RBM7: variants seen among roughly 807,000 people sequenced by gnomAD.
RBM7 encodes the protein RNA-binding protein 7.
Under a neutral mutation model 31.0 loss-of-function variants are expected in RBM7, and 13 were observed. The ratio of observed to expected loss-of-function variants is 0.42; its 90% CI spans 0.27 to 0.67. RBM7 has a LOEUF of 0.67. Among genes scored for constraint, RBM7 ranks in the 30% least tolerant of loss-of-function variants. RBM7 has a pLI of 0.24. For missense variants in RBM7, 245 were observed against 326.2 expected, an observed-to-expected ratio of 0.75 and a Z score of 1.92; for synonymous variants, 106 against 111.2, an observed-to-expected ratio of 0.95 and a Z score of 0.30.
intron 3 of RBM7, among the ~76,000 whole-genome samples, chr11:114,404,803 C>A (rs1946244863): frequency 1.3e-5 from 2 of 151,862 alleles, no homozygotes; most frequent in Non-Finnish European, 2.9e-5. Flanking sequence ...GATAATATAA[C>A]CTGATTTGAA....
chr11:114,407,366 C>T, intron 4 of RBM7, 79 bp from the exon 5 acceptor site: 1 of 1,458,170 alleles, frequency 6.9e-7, no homozygotes, highest in Admixed American at 2.1e-5. Flanking sequence ...TATTTTCTTT[C>T]ATTTTCTGTT....
rs1190352950 is a variant in RBM7, at chr11:114,409,873, A to G, written c.*2066A>G. 1 of 152,238 alleles carries G rather than the reference A, an allele frequency of 6.6e-6. No homozygotes were observed. Among genetic ancestry groups the G allele is most frequent in the Non-Finnish European group, 1.5e-5 (1 of 68,036 alleles). The allele number at this position is 152,238 out of a possible 1,614,324, so 9.4% of individuals were successfully genotyped here. A position where few individuals can be genotyped will look rare whatever the true frequency, so the allele number is the denominator to read the frequency against. ...ATTGTGTAAAGGGACAGGACAAGAC[A>G]GCCTTAAAAAATTGAATATAGTTGG... is the stretch of plus-strand genomic sequence containing the variant. On this transcript the variant is annotated 3_prime_UTR_variant, in exon 5 of 5. Transcript: ENST00000375490.
intron 3 of RBM7, among the ~76,000 whole-genome samples, chr11:114,403,146 CTATT>C (rs1306860505): frequency 4.6e-5 from 7 of 152,136 alleles, no homozygotes; most frequent in African/African-American, 1.7e-4. Flanking sequence ...ACGTATATAA[CTATT>C]TGTTGATTTG....
chr11:114,409,370 G>GC lies in RBM7; in HGVS notation c.*1563_*1564insC, dbSNP rs1388265803. ...TAACGAAGATTAATACTGCATGTTT[G>GC]TTTTTGTTTTTTTTTTGAGACAGAG... is the stretch of plus-strand genomic sequence containing the variant. On this transcript the variant is annotated 3_prime_UTR_variant, in exon 5 of 5. Coordinates refer to ENST00000375490, the MANE Select transcript of RBM7 (RefSeq NM_001286045.2). 8.4e-6 allele frequency: 1 copy of GC among 118,986 alleles called. No individual in the cohort carries two copies. Among genetic ancestry groups the GC allele is most frequent in the Non-Finnish European group, 1.9e-5 (1 of 51,520 alleles). 7.4% of individuals were successfully genotyped at this position (118,986 alleles called of 1,614,324 possible).
At chr11:114,402,946 T>G in intron 3 of RBM7, 31 bp downstream of exon 3, 1 of 1,529,094 alleles carries the variant, frequency 6.5e-7, no homozygotes, top group Non-Finnish European at 9.1e-7. Context: ...TTAAGATCAT[T>G]TATCAGGAAT....
Position 114,400,677 on chromosome 11 carries a change from G to GGCGGCGGCGGCGGAA in RBM7, c.11_25dup (p.Ala4_Ala8dup). 1 of 1,613,874 alleles carries GGCGGCGGCGGCGGAA rather than the reference G, an allele frequency of 6.2e-7. No individual in the cohort carries two copies. The highest frequency in any genetic ancestry group is 8.5e-7 in the Non-Finnish European group (1 of 1,179,880). On this transcript the variant is annotated inframe_insertion, in exon 1 of 5. Coordinates refer to ENST00000375490, the MANE Select transcript of RBM7 (RefSeq NM_001286045.2). ...AGGGAGGGGGCGACGCTGAGATGGG[G>GGCGGCGGCGGCGGAA]GCGGCGGCGGCGGAAGCGGATCGCA...
rs750103004 is a variant in RBM7, at chr11:114,401,880, C to T, written c.259+20C>T. The T allele has an allele frequency of 1.4e-5, 22 of 1,556,258 alleles. No individual in the cohort carries two copies. The highest frequency in any genetic ancestry group is 1.8e-5 in the Non-Finnish European group (21 of 1,159,080). On this transcript the variant is annotated intron_variant, in intron 2 of 4. Transcript: ENST00000375490. Reference sequence around the variant, plus strand: ...GATCAGGTAACTGCCCAATGAGGTTCGGGGGGCATTGTTTCCTGCTGTTTT... The same window carrying T: ...GATCAGGTAACTGCCCAATGAGGTTTGGGGGGCATTGTTTCCTGCTGTTTT...
Position 114,409,107 on chromosome 11 carries a change from T to C in RBM7, c.*1300T>C, listed in dbSNP as rs939898846. 2.6e-5 allele frequency: 4 copies of C among 152,214 alleles called. No homozygotes were observed. The highest frequency in any genetic ancestry group is 9.7e-5 in the African/African-American group (4 of 41,448). 9.4% of individuals were successfully genotyped at this position (152,214 alleles called of 1,614,324 possible). The stretch of plus-strand genomic sequence containing the variant: ...CAGATTTTCAGTGACCCCTCGATTA[T>C]AGCTTGGAGTACTTTAGTTACCCTC... On this transcript the variant is annotated 3_prime_UTR_variant, in exon 5 of 5. Coordinates refer to ENST00000375490, the MANE Select transcript of RBM7 (RefSeq NM_001286045.2).
intron 4 of RBM7, chr11:114,406,221 G>A (rs1381520389): frequency 6.5e-6 from 1 of 152,804 alleles, no homozygotes; most frequent in Non-Finnish European, 1.5e-5. Flanking sequence ...ACATCATCAT[G>A]AGACTAGGCT....
At chr11:114,401,940 T>C in intron 2 of RBM7, 80 bp downstream of exon 2, 3 of 1,398,530 alleles carry the variant, frequency 2.1e-6, no homozygotes, top group Non-Finnish European at 2.9e-6. Context: ...AACCTCTTAT[T>C]TGTAGATGAA....
intron 1 of RBM7, among the ~76,000 whole-genome samples, 178 bp downstream of exon 1, chr11:114,400,945 G>C (rs1946191509): frequency 6.6e-6 from 1 of 152,080 alleles, no homozygotes; most frequent in Non-Finnish European, 1.5e-5. Flanking sequence ...GGAAGATCTT[G>C]GTTCGTTTAG....
At chr11:114,405,670 A>C in intron 3 of RBM7, 36 bp from the exon 4 acceptor site, 1 of 1,417,274 alleles carries the variant, frequency 7.1e-7, no homozygotes, top group Non-Finnish European at 9.7e-7. Context: ...GTAAATATTT[A>C]TTGAATGAAT....
chr11:114,405,949 G>T, intron 4 of RBM7, 150 bp downstream of exon 4: 2 of 536,562 alleles, frequency 3.7e-6, no homozygotes, highest in African/African-American at 4.0e-5. Flanking sequence ...GAACTTTTTA[G>T]ATAACTTTTT....
rs1361902638 is a variant in RBM7, at chr11:114,405,775, A to G, written c.417A>G (p.Pro139=). Residue 139 remains proline (P), a synonymous_variant, in exon 4 of 5, where the codon CCA becomes CCG. Transcript: ENST00000375490. ...TAATTCAGAGATCTTTCTCTTCTCC[A>G]GAAAATTTTCAGAGACAAGCAGTGG... ...AQIIQRSFSS[P]ENFQRQAVMN... 6.2e-7 allele frequency: 1 copy of G among 1,605,424 alleles called. No individual in the cohort carries two copies. The highest frequency in any genetic ancestry group is 8.5e-7 in the Non-Finnish European group (1 of 1,175,358).
chr11:114,404,897 A>C (rs554262786), intron 3 of RBM7, among the ~76,000 whole-genome samples: 1 of 152,234 alleles, frequency 6.6e-6, no homozygotes, highest in African/African-American at 2.4e-5. Flanking sequence ...AATTTAAAAC[A>C]TTTTTAAAGT....
chr11:114,407,428 C>T lies in RBM7; in HGVS notation c.442-17C>T, dbSNP rs1185700508. ...ATATCTAGAAGTATTAACATTTCCA[C>T]TTTTCCTATTCCTCAGATGAACAGT... On this transcript the variant is annotated splice_polypyrimidine_tract_variant and intron_variant, in intron 4 of 4. Transcript: ENST00000375490. 8.2e-6 allele frequency: 13 copies of T among 1,591,736 alleles called. No individual in the cohort carries two copies. The East Asian group carries it at 1.3e-4, about 16-fold the overall frequency.
At chr11:114,404,982 T>C (rs1044450473) in intron 3 of RBM7, among the ~76,000 whole-genome samples, 1 of 152,224 alleles carries the variant, frequency 6.6e-6, no homozygotes, top group Non-Finnish European at 1.5e-5. Context: ...TAATATCCTA[T>C]GTATGTTACA....
intron 4 of RBM7, chr11:114,407,237 G>A: frequency 2.2e-6 from 1 of 460,168 alleles, no homozygotes. Flanking sequence ...ATTCTGAGTT[G>A]CATTCTTGAG....
At position 114,407,896 on chromosome 11, in the gene RBM7, G is replaced by C. The variant is rs1565262322; in HGVS notation, c.*89G>C. ...AAATATTTTGTTGAAAAACTGTACA[G>C]AGCAGCTTTACAAGTTGTCACATTT... On this transcript the variant is annotated 3_prime_UTR_variant, in exon 5 of 5. Coordinates refer to ENST00000375490, the MANE Select transcript of RBM7 (RefSeq NM_001286045.2). The C allele has an allele frequency of 1.4e-6, 2 of 1,394,212 alleles. No homozygotes were observed. The highest frequency in any genetic ancestry group is 1.9e-6 in the Non-Finnish European group (2 of 1,047,800). 86.4% of individuals were successfully genotyped at this position (1,394,212 alleles called of 1,614,324 possible).
Sources: gnomAD v4.1 joint callset for allele counts (sites outside exome capture counted in the v4.1 genomes callset) on GRCh38, gnomAD v4.1.1 for gene constraint, MANE v1.5 for transcripts, NCBI Gene and HGNC (gene_info 2026-07-23, HGNC 2026-07-21) for gene names.